The following ADAP1 variants were observed in gnomAD, a reference collection of about 807,000 sequenced individuals.
ADAP1 encodes the protein ArfGAP with dual PH domains 1.
ADAP1 carries 31 observed loss-of-function variants against 54.9 expected under a neutral mutation model. The observed-to-expected ratio is 0.56, with a 90% CI of 0.42 to 0.76. ADAP1 has a LOEUF of 0.76. ADAP1 is among the 30% of genes least tolerant of loss of function. The pLI is 0.00. For missense variants in ADAP1, 535 were observed against 512.4 expected (o/e 1.04, Z -0.42); for synonymous variants, 313 against 202.6 (o/e 1.55, Z -4.63).
chr7:927,508 C>A (rs926825648), intron 2 of ADAP1: 5 of 470,386 alleles, frequency 1.1e-5, no homozygotes, highest in Non-Finnish European at 2.2e-5. Context: ...CCTGAGGCCG[C>A]AGCCAGGCCC....
Position 905,048 on chromosome 7 carries a change from T to C in ADAP1, c.501+12A>G, listed in dbSNP as rs746326240. On this transcript the variant is annotated intron_variant, in intron 5 of 10. Coordinates refer to ENST00000265846, the MANE Select transcript of ADAP1 (RefSeq NM_006869.4). ...GGGACAGGCCCCCACCCCACCCCCG[T>C]CTGTGACTCACATCATTTCTGTTGA... 1 of 1,607,414 alleles carries C rather than the reference T, an allele frequency of 6.2e-7. No homozygotes were observed. Among genetic ancestry groups the C allele is most frequent in the South Asian group, 1.1e-5 (1 of 91,050 alleles).
At chr7:908,300 G>A (rs909753416) in intron 4 of ADAP1, among the ~76,000 whole-genome samples, 10 of 152,286 alleles carry the variant, frequency 6.6e-5, no homozygotes, top group Admixed American at 3.9e-4. Context: ...GCCCCATCCC[G>A]ACACCAGAGA....
chr7:919,592 G>C (rs1414998509), intron 4 of ADAP1, among the ~76,000 whole-genome samples: 1 of 145,762 alleles, frequency 6.9e-6, no homozygotes, highest in Non-Finnish European at 1.5e-5. Context: ...CGTGAAGAGA[G>C]AGGAAGAGAG....
chr7:900,481 C>A, intron 7 of ADAP1, 52 bp downstream of exon 7: 1 of 1,380,316 alleles, frequency 7.2e-7, no homozygotes, highest in Non-Finnish European at 1.0e-6. Context: ...CGTCCACCCC[C>A]CACCCCACCA....
intron 4 of ADAP1, among the ~76,000 whole-genome samples, chr7:916,984 G>A (rs1253329777): frequency 8.7e-6 from 1 of 114,562 alleles, no homozygotes; most frequent in African/African-American, 3.4e-5. Flanking sequence ...GCACAGGAGG[G>A]GTGCGCAGTG....
chr7:920,921 T>C lies in ADAP1; in HGVS notation c.306-871A>G. The C allele has an allele frequency of 2.6e-6, 4 of 1,518,314 alleles. No individual in the cohort carries two copies. The highest frequency in any genetic ancestry group is 3.6e-6 in the Non-Finnish European group (4 of 1,120,274). The allele number at this position is 1,518,314 out of a possible 1,614,324, so 94.1% of individuals were successfully genotyped here. ...AAGAACAAATAGGAACCCTGTGGCT[T>C]CCTGCTGGGCCCACGTGAACAGCCT... is the stretch of plus-strand genomic sequence containing the variant. On this transcript the variant is annotated intron_variant, in intron 3 of 10. Transcript: ENST00000265846. The surrounding 1 kb of genome is among the most constrained non-coding windows in gnomAD (Gnocchi z 4.5).
intron 4 of ADAP1, among the ~76,000 whole-genome samples, chr7:906,530 AGGAGAAAGGAGAAGGGAGAAAG>A: frequency 2.2e-5 from 1 of 44,556 alleles, no homozygotes; most frequent in African/African-American, 8.0e-5. Context: ...AGAAAGGGAA[AGGAGAAAGGAGAAGGGAGAAAG>A]GGAGAAAGGG....
At chr7:924,832 G>T (rs1846328053) in intron 3 of ADAP1, among the ~76,000 whole-genome samples, 1 of 152,096 alleles carries the variant, frequency 6.6e-6, no homozygotes, top group Non-Finnish European at 1.5e-5. Context: ...AGCAGCTGGG[G>T]GCGGGGTGAT....
chr7:920,847 G>A lies in ADAP1; in HGVS notation c.306-797C>T, dbSNP rs757929507. ...CACACAGGCCCGGCACGGCCCAGGT[G>A]CACAGGCAGCCGCCCCAGCCTTTTC... is the stretch of plus-strand genomic sequence containing the variant. On this transcript the variant is annotated intron_variant, in intron 3 of 10. Coordinates refer to ENST00000265846, the MANE Select transcript of ADAP1 (RefSeq NM_006869.4). The surrounding 1 kb of genome is among the most constrained non-coding windows in gnomAD (Gnocchi z 4.5). 2.6e-6 allele frequency: 4 copies of A among 1,550,120 alleles called. No homozygotes were observed. The highest frequency in any genetic ancestry group is 2.7e-5 in the African/African-American group (2 of 73,144).
chr7:899,061 G>A lies in ADAP1; in HGVS notation c.1068C>T (p.Asp356=), dbSNP rs575465873. ...CGTACTCCTGGGGCAGCATGGGCCT[G>A]TCCACCGCCTTCTGGAAGGCCGCCA... The part of the protein sequence containing the change: ...EWVAAFQKAV[D]RPMLPQEYAV... Residue 356 remains aspartate, a synonymous_variant, in exon 10 of 11, where the codon GAC becomes GAT. Coordinates refer to ENST00000265846, the MANE Select transcript of ADAP1 (RefSeq NM_006869.4). The A allele has an allele frequency of 2.5e-6, 4 of 1,608,656 alleles. No individual in the cohort carries two copies. In the African/African-American group the frequency reaches 4.0e-5, roughly 16 times the overall value.
At chr7:906,809 G>A (rs1297436157) in intron 4 of ADAP1, among the ~76,000 whole-genome samples, 2 of 142,888 alleles carry the variant, frequency 1.4e-5, no homozygotes, top group Non-Finnish European at 3.1e-5. Flanking sequence ...GGGACATGGG[G>A]GGACATGGGT....
chr7:950,099 G>A (rs962460267), intron 1 of ADAP1, among the ~76,000 whole-genome samples: 8 of 152,220 alleles, frequency 5.3e-5, no homozygotes, highest in Admixed American at 2.0e-4. Context: ...CACAGGGTAT[G>A]ATCCTGTCTT....
chr7:922,235 C>A (rs1031151023), intron 3 of ADAP1, among the ~76,000 whole-genome samples: 2 of 152,182 alleles, frequency 1.3e-5, no homozygotes, highest in Non-Finnish European at 2.9e-5. Context: ...TCCAGCCACA[C>A]CTCAGCCCAC....
chr7:954,567 C>A lies in ADAP1; in HGVS notation c.-90G>T. The A allele has an allele frequency of 1.0e-6, 1 of 988,370 alleles. No individual in the cohort carries two copies. 61.2% of individuals were successfully genotyped at this position (988,370 alleles called of 1,614,324 possible). A position where few individuals can be genotyped will look rare whatever the true frequency, so the allele number is the denominator to read the frequency against. ...GGGCCCCGCGCAGGCCGCCCGCCGC[C>A]GCCGCCCCTGCGCCATCCCGGGCGG... On this transcript the variant is annotated 5_prime_UTR_variant, in exon 1 of 11. Transcript: ENST00000265846.
chr7:918,666 G>A (rs1249102533), intron 4 of ADAP1, among the ~76,000 whole-genome samples: 1 of 152,298 alleles, frequency 6.6e-6, no homozygotes, highest in African/African-American at 2.4e-5. Flanking sequence ...CGCCCTGCCC[G>A]TGCTGACGTT....
chr7:908,998 G>A (rs927850263), intron 4 of ADAP1, among the ~76,000 whole-genome samples: 7 of 151,938 alleles, frequency 4.6e-5, no homozygotes, highest in Non-Finnish European at 8.8e-5. Flanking sequence ...CATGCCCGCC[G>A]CGCCCAGCAG....
chr7:925,924 G>A (rs1469086963), intron 3 of ADAP1, among the ~76,000 whole-genome samples: 2 of 152,230 alleles, frequency 1.3e-5, no homozygotes, highest in African/African-American at 2.4e-5. Context: ...GGGCCAACAC[G>A]TCTTTCCCCT....
At chr7:912,579 T>A (rs577486712) in intron 4 of ADAP1, among the ~76,000 whole-genome samples, 1 of 152,320 alleles carries the variant, frequency 6.6e-6, no homozygotes, top group African/African-American at 2.4e-5. Context: ...CACCAAGGGC[T>A]TCTCCCCCGG....
intron 6 of ADAP1, among the ~76,000 whole-genome samples, chr7:903,476 G>A (rs769463753): frequency 4.6e-5 from 7 of 152,168 alleles, no homozygotes; most frequent in African/African-American, 1.4e-4. Flanking sequence ...ATTTAGGAAC[G>A]ATATAGCGCT....
Sources: gnomAD v4.1 joint callset for allele counts (sites outside exome capture counted in the v4.1 genomes callset) on GRCh38, gnomAD v4.1.1 for gene constraint, Gnocchi (gnomAD v3.1) non-coding constraint, MANE v1.5 for transcripts, NCBI Gene and HGNC (gene_info 2026-07-23, HGNC 2026-07-21) for gene names.